The following ERICH1 variants were observed in gnomAD, a reference collection of about 807,000 sequenced individuals.
ERICH1 encodes glutamate rich 1, also known as glutamate-rich protein 1.
ERICH1 carries 56 observed loss-of-function variants against 39.6 expected under a neutral mutation model. The ratio of observed to expected loss-of-function variants is 1.41; its 90% CI spans 1.14 to 1.77. The LOEUF (loss-of-function observed/expected upper bound fraction) is 1.77, where lower values mean the gene tolerates loss of function less well. Ranked by LOEUF, ERICH1 falls within the 40% of genes most tolerant of loss-of-function variation. ERICH1 has a pLI of 0.00. For synonymous variants in ERICH1, 313 were observed against 223.6 expected (o/e 1.40, Z -3.57); for missense variants, 826 against 575.4 (o/e 1.44, Z -4.45).
chr8:686,846 G>C (rs1275153373), intron 3 of ERICH1: 1 of 152,282 alleles, frequency 6.6e-6, no homozygotes, highest in African/African-American at 2.4e-5. Flanking sequence ...AGCTGAATGT[G>C]TGAACTCTCA....
intron 1 of ERICH1, among the ~76,000 whole-genome samples, chr8:728,695 C>G (rs1186295267): frequency 2.6e-5 from 4 of 152,204 alleles, no homozygotes; most frequent in Admixed American, 2.0e-4. Flanking sequence ...ATGGTCGGAG[C>G]TGCACAGCAC....
chr8:654,610 T>C (rs1232363836), intron 3 of ERICH1, among the ~76,000 whole-genome samples: 2 of 152,190 alleles, frequency 1.3e-5, no homozygotes, highest in Non-Finnish European at 2.9e-5. Context: ...TTGGCAACTA[T>C]GTAAAGACAC....
chr8:728,862 T>A (rs778043033), intron 1 of ERICH1, among the ~76,000 whole-genome samples: 4 of 152,156 alleles, frequency 2.6e-5, no homozygotes, highest in Non-Finnish European at 5.9e-5. Context: ...TGCTACACAT[T>A]GTTACAGGGA....
intron 3 of ERICH1, among the ~76,000 whole-genome samples, chr8:674,713 C>G (rs1264646922): frequency 6.6e-6 from 1 of 152,096 alleles, no homozygotes; most frequent in Admixed American, 6.5e-5. Context: ...CAATTTAGTC[C>G]TTTCTAAAGT....
At chr8:661,133 C>T (rs1051679147), downstream of ERICH1, among the ~76,000 whole-genome samples, 3 of 152,120 alleles carry the variant, frequency 2.0e-5, no homozygotes, top group Non-Finnish European at 2.9e-5. Flanking sequence ...TGGTGCGAGG[C>T]GGGGCAGATG....
At chr8:620,685 C>A (rs113419044) in intron 3 of ERICH1, among the ~76,000 whole-genome samples, 94 of 152,240 alleles carry the variant, frequency 6.2e-4, no homozygotes, top group African/African-American at 2.2e-3. Context: ...GACTTTAAAA[C>A]AGAAAATGTT....
intron 2 of ERICH1, among the ~76,000 whole-genome samples, chr8:702,166 G>C (rs1034865880): frequency 6.6e-6 from 1 of 151,780 alleles, no homozygotes; most frequent in Non-Finnish European, 1.5e-5. Context: ...CCCGGAAATT[G>C]GTAAGACAAG....
chr8:692,524 G>C lies in ERICH1; in HGVS notation c.258C>G (p.Ser86Arg). ...EGYVPCWPEPSSCGSPENASS... is the reference protein window; with the variant it reads ...EGYVPCWPEPRSCGSPENASS... ...AGGCGTTCTCGGGGCTCCCACAGCT[G>C]CTGGGCTCCGGCCAACAGGGGACGT... Residue 86 changes from serine to arginine, a missense_variant, in exon 3 of 6, where the codon AGC (serine) becomes AGG (arginine). Ser to Arg is a moderately radical substitution (Grantham distance 110). Transcript: ENST00000262109. 6.2e-7 allele frequency: 1 copy of C among 1,614,062 alleles called. No homozygotes were observed. The highest frequency in any genetic ancestry group is 8.5e-7 in the Non-Finnish European group (1 of 1,179,978).
At chr8:720,618 G>T (rs1009214694) in intron 1 of ERICH1, among the ~76,000 whole-genome samples, 5 of 152,198 alleles carry the variant, frequency 3.3e-5, no homozygotes, top group African/African-American at 1.2e-4. Context: ...AACACATAAA[G>T]GTCTGTACAG....
At chr8:730,107 G>C (rs1472471300) in intron 1 of ERICH1, among the ~76,000 whole-genome samples, 1 of 152,130 alleles carries the variant, frequency 6.6e-6, no homozygotes, top group East Asian at 1.9e-4. Context: ...GGTATTTCTG[G>C]TGCTCATTAA....
intron 3 of ERICH1, among the ~76,000 whole-genome samples, chr8:635,113 G>A (rs1489617591): frequency 6.6e-6 from 1 of 150,524 alleles, no homozygotes; most frequent in Non-Finnish European, 1.5e-5. Flanking sequence ...AAAAAAAAAA[G>A]CACCTCACCA....
chr8:631,309 G>C (rs1798024293), intron 3 of ERICH1, among the ~76,000 whole-genome samples: 1 of 152,246 alleles, frequency 6.6e-6, no homozygotes, highest in Non-Finnish European at 1.5e-5. Context: ...GAAAGTGTCA[G>C]GAGTTGGCTG....
At chr8:726,320 C>A (rs1289637395) in intron 1 of ERICH1, among the ~76,000 whole-genome samples, 1 of 151,986 alleles carries the variant, frequency 6.6e-6, no homozygotes, top group East Asian at 1.9e-4. Flanking sequence ...CACACGCAGA[C>A]ACGTGTATGC....
intron 1 of ERICH1, among the ~76,000 whole-genome samples, chr8:720,246 G>A (rs1044765304): frequency 3.3e-5 from 5 of 152,150 alleles, no homozygotes; most frequent in Non-Finnish European, 5.9e-5. Context: ...GCAGGACGCC[G>A]AGGTGCCCAC....
chr8:719,966 G>C (rs138105475), intron 1 of ERICH1, among the ~76,000 whole-genome samples: 1 of 148,932 alleles, frequency 6.7e-6, no homozygotes, highest in East Asian at 2.1e-4. Flanking sequence ...GGCCCTACAA[G>C]GTACCGCAGG....
intron 3 of ERICH1, among the ~76,000 whole-genome samples, chr8:655,295 C>G (rs1585064613): frequency 6.6e-6 from 1 of 152,224 alleles, no homozygotes; most frequent in Non-Finnish European, 1.5e-5. Flanking sequence ...CTCAGACGCC[C>G]TCATGCCACA....
At chr8:700,869 C>T (rs1811955303) in intron 2 of ERICH1, among the ~76,000 whole-genome samples, 1 of 152,256 alleles carries the variant, frequency 6.6e-6, no homozygotes, top group African/African-American at 2.4e-5. Flanking sequence ...CTGAAAAATA[C>T]TTAACAATGC....
chr8:679,058 C>G (rs1374593479), intron 3 of ERICH1, among the ~76,000 whole-genome samples: 1 of 150,218 alleles, frequency 6.7e-6, no homozygotes, highest in African/African-American at 2.5e-5. Flanking sequence ...GCAGTGACCT[C>G]TCACAGCTCC....
At chr8:719,776 C>A (rs1355915754) in intron 1 of ERICH1, among the ~76,000 whole-genome samples, 1 of 152,180 alleles carries the variant, frequency 6.6e-6, no homozygotes, top group Admixed American at 6.5e-5. Context: ...CTATTTAATA[C>A]TTTAAGGACT....
Sources: allele counts gnomAD v4.1 joint callset (sites outside exome capture counted in the v4.1 genomes callset), GRCh38; gene constraint gnomAD v4.1.1; transcripts MANE v1.5; gene names NCBI Gene and HGNC (gene_info 2026-07-23, HGNC 2026-07-21).